Variants in ACTN4 observed in about 807,000 individuals in gnomAD.
ACTN4 encodes the protein actinin alpha 4, also known as alpha-actinin-4.
ACTN4 carries 18 observed loss-of-function variants against 114.2 expected under a neutral mutation model. That is an observed-to-expected ratio of 0.16 (90% CI 0.11 to 0.23). ACTN4 has a LOEUF of 0.23. Among genes scored for constraint, ACTN4 ranks in the 10% least tolerant of loss-of-function variants. The pLI, the probability that ACTN4 is intolerant of heterozygous loss-of-function variation, is 1.00. For missense variants in ACTN4, 722 were observed against 1,262.9 expected (o/e 0.57, Z 6.49); for synonymous variants, 515 against 506.3 (o/e 1.02, Z -0.23).
intron 1 of ACTN4, among the ~76,000 whole-genome samples, chr19:38,651,066 T>C (rs1349474079): frequency 1.3e-5 from 2 of 152,146 alleles, no homozygotes; most frequent in African/African-American, 2.4e-5. Flanking sequence ...AGTGTTGCTT[T>C]AGTGAATGAC....
intron 3 of ACTN4, among the ~76,000 whole-genome samples, chr19:38,702,214 T>A (rs1968300216): frequency 6.6e-6 from 1 of 152,228 alleles, no homozygotes; most frequent in Non-Finnish European, 1.5e-5. Flanking sequence ...GTCATCAGTT[T>A]TCATTTGGAG....
intron 1 of ACTN4, among the ~76,000 whole-genome samples, chr19:38,652,403 ATGGCC>A (rs1429501358): frequency 6.6e-6 from 1 of 152,128 alleles, no homozygotes; most frequent in Non-Finnish European, 1.5e-5. Context: ...GTATGGGAAG[ATGGCC>A]TGGGACTGCA....
intron 1 of ACTN4, among the ~76,000 whole-genome samples, chr19:38,687,693 A>C (rs1967791895): frequency 6.6e-6 from 1 of 152,268 alleles, no homozygotes; most frequent in Non-Finnish European, 1.5e-5. Context: ...AGAAGAAAAC[A>C]CAAGTGTAAA....
At chr19:38,684,695 A>C (rs1967686817) in intron 1 of ACTN4, among the ~76,000 whole-genome samples, 1 of 152,002 alleles carries the variant, frequency 6.6e-6, no homozygotes, top group Non-Finnish European at 1.5e-5. Context: ...TTCAGTCTCT[A>C]CTGGTTCCTC....
At chr19:38,654,056 A>C (rs1976642312) in intron 1 of ACTN4, among the ~76,000 whole-genome samples, 1 of 152,218 alleles carries the variant, frequency 6.6e-6, no homozygotes, top group Admixed American at 6.5e-5. Context: ...AATTTGTTAT[A>C]AAGTGTCTGA....
chr19:38,703,050 C>T (rs74832972), intron 3 of ACTN4, among the ~76,000 whole-genome samples: 4,922 of 152,146 alleles, frequency 0.032, 105 homozygotes, highest in Admixed American at 0.063. Context: ...TTGCATATGG[C>T]GTGTTGACAA....
intron 1 of ACTN4, among the ~76,000 whole-genome samples, chr19:38,662,361 C>G (rs1253084203): frequency 2.0e-5 from 3 of 152,198 alleles, no homozygotes; most frequent in Non-Finnish European, 4.4e-5. Flanking sequence ...GGCTGGGATT[C>G]TCTCAGCCTT....
In ACTN4 at chr19:38,725,144, C is replaced by G. The variant is rs115337552; in HGVS notation, c.2010+579C>G. On this transcript the variant is annotated intron_variant, in intron 16 of 20. Transcript: ENST00000252699. ...AGCCACATGAGTGCTGTCATTCTTA[C>G]AGCAGTTCTGACCACCACTCACTGA... Among the ~76,000 whole-genome samples the G allele has an allele frequency of 3.9e-3, 594 of 152,334 alleles. 10 individuals carry two copies. The highest frequency in any genetic ancestry group is 0.014 in the African/African-American group (573 of 41,576).
At chr19:38,679,798 T>C (rs1967498941) in intron 1 of ACTN4, among the ~76,000 whole-genome samples, 1 of 152,100 alleles carries the variant, frequency 6.6e-6, no homozygotes, top group Non-Finnish European at 1.5e-5. Flanking sequence ...ACCCGGCCAA[T>C]GTATGTATTT....
chr19:38,665,621 A>G (rs946065469), intron 1 of ACTN4, among the ~76,000 whole-genome samples: 1 of 152,032 alleles, frequency 6.6e-6, no homozygotes, highest in Admixed American at 6.5e-5. Flanking sequence ...GTGCCCTCCA[A>G]CAAGTGGCAG....
intron 1 of ACTN4, among the ~76,000 whole-genome samples, chr19:38,692,710 G>A (rs1361185050): frequency 6.6e-6 from 1 of 152,194 alleles, no homozygotes; most frequent in African/African-American, 2.4e-5. Context: ...CCTGCCAGAT[G>A]GGTGATAAGA....
chr19:38,666,356 G>T (rs1443611601), intron 1 of ACTN4, among the ~76,000 whole-genome samples: 1 of 152,236 alleles, frequency 6.6e-6, no homozygotes, highest in Non-Finnish European at 1.5e-5. Context: ...AGTGACAACC[G>T]ATGGGGGCTG....
intron 1 of ACTN4, among the ~76,000 whole-genome samples, chr19:38,698,861 G>A (rs1416764050): frequency 1.3e-5 from 2 of 152,210 alleles, no homozygotes; most frequent in Admixed American, 1.3e-4. Context: ...TTGTCTGGGA[G>A]GGGGCTTTGT....
chr19:38,671,079 C>T (rs1006525178), intron 1 of ACTN4, among the ~76,000 whole-genome samples: 5 of 152,096 alleles, frequency 3.3e-5, no homozygotes, highest in Non-Finnish European at 7.4e-5. Context: ...CTGCTTAATC[C>T]TCTCACTAGG....
intron 1 of ACTN4, among the ~76,000 whole-genome samples, chr19:38,690,729 T>G (rs62121828): frequency 0.094 from 14,269 of 152,286 alleles, 686 homozygotes; most frequent in Non-Finnish European, 0.12. Context: ...GTGAGCCACC[T>G]TGCCTAGCCT....
chr19:38,649,025 C>G (rs896493373), intron 1 of ACTN4, among the ~76,000 whole-genome samples: 2 of 151,444 alleles, frequency 1.3e-5, no homozygotes, highest in Admixed American at 1.3e-4. Flanking sequence ...GGTGCAGTCC[C>G]GGGACTGGAG....
intron 1 of ACTN4, among the ~76,000 whole-genome samples, chr19:38,680,931 G>A (rs1297027020): frequency 6.6e-6 from 1 of 151,854 alleles, no homozygotes; most frequent in Non-Finnish European, 1.5e-5. Flanking sequence ...TTCGAGACCA[G>A]CCTGGCCAAC....
At position 38,726,965 on chromosome 19, in the gene ACTN4, C is replaced by T. The variant is rs754158019; in HGVS notation, c.2199C>T (p.Arg733=). The T allele has an allele frequency of 5.6e-6, 9 of 1,613,968 alleles. No individual in the cohort carries two copies. The highest frequency in any genetic ancestry group is 2.2e-5 in the East Asian group (1 of 44,878). The change falls in exon 18 of 21, where the codon CGC becomes CGT. Residue 733 remains arginine (R), a synonymous_variant. Coordinates refer to ENST00000252699, the MANE Select transcript of ACTN4 (RefSeq NM_004924.6). ...CCCCCGTCTTTCCGCAGCACATCCG[C>T]GTGGGCTGGGAGCAGCTGCTCACCA... ...KHTNYTMEHI[R]VGWEQLLTTI... is the part of the protein sequence containing the mutation.
intron 1 of ACTN4, among the ~76,000 whole-genome samples, chr19:38,696,779 T>A (rs116089498): frequency 1.2e-3 from 185 of 152,228 alleles, no homozygotes; most frequent in Admixed American, 4.4e-3. Context: ...CCCAAGCCTG[T>A]GTCAGGTCCG....
Sources: gnomAD v4.1 joint callset for allele counts (sites outside exome capture counted in the v4.1 genomes callset) on GRCh38, gnomAD v4.1.1 for gene constraint, MANE v1.5 for transcripts, NCBI Gene and HGNC (gene_info 2026-07-23, HGNC 2026-07-21) for gene names.